Variants in ABCC2 observed in about 807,000 individuals in gnomAD.
ABCC2 encodes ATP-binding cassette sub-family C member 2.
In ABCC2, 157 loss-of-function variants were observed where a neutral mutation model predicts 173.4. That is an observed-to-expected ratio of 0.91 (90% CI 0.80 to 1.03). The LOEUF (loss-of-function observed/expected upper bound fraction) is 1.03. Among genes scored for constraint, ABCC2 ranks in the 50% least tolerant of loss-of-function variants. The pLI is 0.00. For missense variants in ABCC2, 1,822 were observed against 1,852.3 expected (o/e 0.98, Z 0.30); for synonymous variants, 657 against 693.5 (o/e 0.95, Z 0.83).
At chr10:99,844,223 C>T in intron 27 of ABCC2, 99 bp from the exon 28 acceptor site, 1 of 1,476,280 alleles carries the variant, frequency 6.8e-7, no homozygotes, top group South Asian at 1.1e-5. Flanking sequence ...AGCTGGGACA[C>T]TGCTACCCTT....
At chr10:99,806,075 G>C (rs201671512) in intron 11 of ABCC2, among the ~76,000 whole-genome samples, 12 of 107,852 alleles carry the variant, frequency 1.1e-4, no homozygotes, top group South Asian at 3.2e-4. Context: ...CTCTCTCTCT[G>C]TCTGTGTGTG....
intron 23 of ABCC2, among the ~76,000 whole-genome samples, chr10:99,833,288 A>G (rs1417364258): frequency 1.3e-5 from 2 of 152,200 alleles, no homozygotes; most frequent in Admixed American, 6.5e-5. Context: ...TCTCATAGTA[A>G]TTTTGTAAAG....
At position 99,836,419 on chromosome 10, in the gene ABCC2, G is replaced by A. The variant is rs376034573; in HGVS notation, c.3614+129G>A. ...CTGGCCACACACACTGTCATGCTAT[G>A]TAAGTGGAGAGAAGAAAGCATGAGC... On this transcript the variant is annotated intron_variant, in intron 25 of 31. Coordinates refer to ENST00000647814, the MANE Select transcript of ABCC2 (RefSeq NM_000392.5). The A allele has an allele frequency of 2.1e-4, 206 of 985,286 alleles. No homozygotes were observed. In the African/African-American group the frequency reaches 3.0e-3, roughly 15 times the overall value. The allele number at this position is 985,286 out of a possible 1,614,324, so 61.0% of individuals were successfully genotyped here.
intron 9 of ABCC2, among the ~76,000 whole-genome samples, chr10:99,803,346 T>C (rs2038043773): frequency 6.6e-6 from 1 of 152,252 alleles, no homozygotes; most frequent in African/African-American, 2.4e-5. Context: ...TTCTTGGGAA[T>C]GATTGCAACC....
chr10:99,821,086 GA>G (rs200722400), intron 19 of ABCC2, among the ~76,000 whole-genome samples: 12,304 of 152,240 alleles, frequency 0.081, 703 homozygotes, highest in Admixed American at 0.15. Flanking sequence ...AGGGTCAGCA[GA>G]CAAACACGTG....
intron 19 of ABCC2, among the ~76,000 whole-genome samples, chr10:99,825,163 G>A (rs1263040183): frequency 7.0e-6 from 1 of 142,036 alleles, no homozygotes; most frequent in African/African-American, 2.6e-5. Context: ...ATAATGGAGC[G>A]GGCATGATTT....
rs117131827 is a variant in ABCC2 at position 99,809,826 on chromosome 10, C to T, written c.1816-308C>T. ...AGTTAAATAAGAGAAAGCCAGGGGC[C>T]TAGTTACCAGAACCAGATAGAAGTT... On this transcript the variant is annotated intron_variant, in intron 13 of 31. Transcript: ENST00000647814. 8.0e-4 allele frequency among the ~76,000 whole-genome samples: 122 copies of T among 152,310 alleles called. 1 individual carries two copies. In the East Asian group the frequency reaches 0.02, roughly 25 times the overall value.
intron 28 of ABCC2, among the ~76,000 whole-genome samples, 178 bp downstream of exon 28, chr10:99,844,643 G>C (rs2038992174): frequency 6.6e-6 from 1 of 152,088 alleles, no homozygotes; most frequent in African/African-American, 2.4e-5. Context: ...ATAGCAGCCA[G>C]GGATCACACA....
intron 19 of ABCC2, among the ~76,000 whole-genome samples, chr10:99,823,888 G>A (rs1274077267): frequency 4.5e-5 from 6 of 133,428 alleles, no homozygotes; most frequent in South Asian, 2.6e-4. Context: ...TTTATTATTC[G>A]TAATCTTGTC....
rs748140863 is a variant in ABCC2 at position 99,813,073 on chromosome 10, T to C, written c.2023T>C (p.Ser675Pro). ...QLVAVIGPVG[S>P]GKSSLISAML... ...TGTGGCTGTGATAGGCCCTGTCGGC[T>C]CTGGGAAATCCTCCTTGATATCAGC... is the stretch of plus-strand genomic sequence containing the variant. Residue 675 changes from serine to proline, a missense_variant, in exon 16 of 32, where the codon TCT becomes CCT. By Grantham distance (74) the Ser-to-Pro change is moderately conservative (BLOSUM62 -1). Transcript: ENST00000647814. 1 of 1,614,092 alleles carries C rather than the reference T, an allele frequency of 6.2e-7. No individual in the cohort carries two copies. Among genetic ancestry groups the C allele is most frequent in the South Asian group, 1.1e-5 (1 of 91,078 alleles).
intron 13 of ABCC2, among the ~76,000 whole-genome samples, chr10:99,809,061 CA>C (rs1267042039): frequency 4.6e-5 from 7 of 152,018 alleles, no homozygotes; most frequent in Non-Finnish European, 7.4e-5. Flanking sequence ...GACACTGAAT[CA>C]AAAAGGGTCA....
At chr10:99,844,200 G>C (rs1041319930) in intron 27 of ABCC2, 122 bp from the exon 28 acceptor site, 1 of 1,209,056 alleles carries the variant, frequency 8.3e-7, no homozygotes, top group African/African-American at 1.5e-5. Flanking sequence ...ATTAAATGCA[G>C]AGGCCATTAG....
At chr10:99,794,353 G>A in intron 5 of ABCC2, 60 bp from the exon 6 acceptor site, 1 of 1,423,820 alleles carries the variant, frequency 7.0e-7, no homozygotes, top group East Asian at 2.3e-5. Flanking sequence ...TCTGATTTTA[G>A]AGTCCCATGA....
chr10:99,794,519 C>G (rs1170276596), intron 6 of ABCC2, 51 bp downstream of exon 6: 10 of 1,496,904 alleles, frequency 6.7e-6, no homozygotes, highest in Admixed American at 1.7e-5. Flanking sequence ...TCTCACTCCT[C>G]TGAAAGTGTC....
chr10:99,849,217 C>T (rs533651346), intron 30 of ABCC2, among the ~76,000 whole-genome samples: 120 of 152,246 alleles, frequency 7.9e-4, no homozygotes, highest in Admixed American at 3.4e-3. Flanking sequence ...GAGACAAGAG[C>T]GAAACTCCGT....
intron 5 of ABCC2, 83 bp downstream of exon 5, chr10:99,794,082 C>A: frequency 7.5e-7 from 1 of 1,328,996 alleles, no homozygotes; most frequent in Non-Finnish European, 1.1e-6. Context: ...GTCTGGGTCT[C>A]ACGGAGGCGC....
chr10:99,836,876 G>A (rs1417733199), intron 25 of ABCC2, among the ~76,000 whole-genome samples: 1 of 152,166 alleles, frequency 6.6e-6, no homozygotes, highest in Admixed American at 6.5e-5. Context: ...CTGGAAAGAG[G>A]AAGATCTTTT....
chr10:99,789,572 G>A (rs1419442162), intron 2 of ABCC2, among the ~76,000 whole-genome samples: 6 of 151,850 alleles, frequency 4.0e-5, no homozygotes, highest in African/African-American at 4.8e-5. Flanking sequence ...AAAATTAGCC[G>A]GGCATAATGG....
At chr10:99,834,860 C>T (rs999332532) in intron 24 of ABCC2, among the ~76,000 whole-genome samples, 8 of 152,214 alleles carry the variant, frequency 5.3e-5, no homozygotes, top group African/African-American at 1.9e-4. Context: ...TCTTGCAGCT[C>T]CATAAGAACC....
Sources: gnomAD v4.1 joint callset for allele counts (sites outside exome capture counted in the v4.1 genomes callset) on GRCh38, gnomAD v4.1.1 for gene constraint, MANE v1.5 for transcripts, NCBI Gene and HGNC (gene_info 2026-07-23, HGNC 2026-07-21) for gene names.